The following CCDC171 variants were observed in gnomAD, a reference collection of about 807,000 sequenced individuals.
CCDC171 encodes coiled-coil domain-containing protein 171.
Under a neutral mutation model 168.2 loss-of-function variants are expected in CCDC171, and 177 were observed. The observed-to-expected ratio is 1.05, with a 90% confidence interval of 0.93 to 1.19. The LOEUF is 1.19. Among genes scored for constraint, CCDC171 ranks in the 50% most tolerant of loss-of-function variants. The probability of loss-of-function intolerance (pLI) is 0.00; values close to 1 mark genes in which losing one functional copy is unlikely to be tolerated. For missense variants in CCDC171, 1,991 were observed against 1,539.0 expected, an observed-to-expected ratio of 1.29 and a Z score of -4.91; for synonymous variants, 687 against 540.8, an observed-to-expected ratio of 1.27 and a Z score of -3.75.
chr9:15,621,868 A>G (rs2044536852), intron 6 of CCDC171, among the ~76,000 whole-genome samples: 2 of 152,254 alleles, frequency 1.3e-5, no homozygotes, highest in South Asian at 2.1e-4. Context: ...TAGCAAAGAC[A>G]TGGAGTCAAC....
At chr9:16,107,612 TACAC>T in the CCDC171 span, among the ~76,000 whole-genome samples, 7 of 152,252 alleles carry the variant, frequency 4.6e-5, no homozygotes, top group East Asian at 1.4e-3. Context: ...CATATATACA[TACAC>T]ATATGTAAAC....
intron 25 of CCDC171, among the ~76,000 whole-genome samples, chr9:15,964,753 T>C (rs1458568032): frequency 1.3e-5 from 2 of 152,178 alleles, no homozygotes; most frequent in Non-Finnish European, 2.9e-5. Context: ...TGTTCTCGTG[T>C]AATTTAATTA....
chr9:15,869,457 G>A (rs12683523), intron 23 of CCDC171, among the ~76,000 whole-genome samples: 10,961 of 148,152 alleles, frequency 0.074, 1,048 homozygotes, highest in African/African-American at 0.22. Flanking sequence ...GAATTCATGC[G>A]TTTATAACGG....
chr9:15,794,251 G>A (rs1037841380), intron 21 of CCDC171, among the ~76,000 whole-genome samples: 6 of 152,100 alleles, frequency 3.9e-5, no homozygotes, highest in Admixed American at 6.5e-5. Context: ...GATCACCTGA[G>A]GTCAGGAGTT....
rs930527792 is a variant in CCDC171, at chr9:15,610,467, A to C, written c.676-12800A>C. Among the ~76,000 whole-genome samples, 133 of 140,844 alleles carry C rather than the reference A, an allele frequency of 9.4e-4. 2 individuals carry two copies. The highest frequency in any genetic ancestry group is 2.9e-3 in the African/African-American group (110 of 37,876). 92.4% of individuals were successfully genotyped at this position (140,844 alleles called of 152,430 possible). ...ACTAAAAAAAAAAAAAAAAAAAAAAAAAAAAAAAAAAAAACTGGGCGTGGT... is the reference window on the plus strand; with the variant it reads ...ACTAAAAAAAAAAAAAAAAAAAAAACAAAAAAAAAAAAAACTGGGCGTGGT... On this transcript the variant is annotated intron_variant, in intron 6 of 25. Coordinates refer to ENST00000380701, the MANE Select transcript of CCDC171 (RefSeq NM_173550.4).
At chr9:15,595,336 C>T (rs1310475678) in intron 6 of CCDC171, among the ~76,000 whole-genome samples, 1 of 152,094 alleles carries the variant, frequency 6.6e-6, no homozygotes, top group Non-Finnish European at 1.5e-5. Context: ...GTGTGATGTT[C>T]CCCTTCCTGT....
chr9:15,576,615 G>T (rs1324929341), intron 3 of CCDC171, among the ~76,000 whole-genome samples: 1 of 152,200 alleles, frequency 6.6e-6, no homozygotes, highest in Non-Finnish European at 1.5e-5. Context: ...GAAAGTGCTA[G>T]TATTTTGACC....
chr9:15,843,716 T>C (rs976995769), intron 21 of CCDC171, among the ~76,000 whole-genome samples: 2 of 152,120 alleles, frequency 1.3e-5, no homozygotes, highest in African/African-American at 4.8e-5. Context: ...GGGCTGTAAT[T>C]AGGGTGACCG....
chr9:16,101,639 A>G, the CCDC171 span, among the ~76,000 whole-genome samples: 4 of 152,256 alleles, frequency 2.6e-5, no homozygotes, highest in Non-Finnish European at 4.4e-5. Context: ...TCTAGAGTCC[A>G]GAGAAAAAGG....
chr9:15,717,880 G>A (rs1289263374), intron 11 of CCDC171, among the ~76,000 whole-genome samples: 1 of 152,202 alleles, frequency 6.6e-6, no homozygotes, highest in Non-Finnish European at 1.5e-5. Flanking sequence ...GAGATCTGCT[G>A]GTTTGAAGTG....
chr9:16,018,306 C>A (rs370074106), intron 3 of CCDC171, among the ~76,000 whole-genome samples: 3 of 152,078 alleles, frequency 2.0e-5, no homozygotes, highest in African/African-American at 7.2e-5. Flanking sequence ...ACTGGAGACC[C>A]GGTGAAAGTG....
chr9:15,598,362 T>C lies in CCDC171; in HGVS notation c.675+4190T>C, dbSNP rs955417597. Among the ~76,000 whole-genome samples, 6 of 152,294 alleles carry C rather than the reference T, an allele frequency of 3.9e-5. No individual in the cohort carries two copies. In the South Asian group the frequency reaches 1.2e-3, roughly 32 times the overall value. Reference sequence around the variant, plus strand: ...TGGTATGTTGTGTCTTTGTTCTCGTTGGTTTCAAAGAACATCTTTTTTTCT... The same window carrying C: ...TGGTATGTTGTGTCTTTGTTCTCGTCGGTTTCAAAGAACATCTTTTTTTCT... On this transcript the variant is annotated intron_variant, in intron 6 of 25. Coordinates refer to ENST00000380701, the MANE Select transcript of CCDC171 (RefSeq NM_173550.4).
At chr9:15,591,599 C>A in intron 5 of CCDC171, 43 bp downstream of exon 5, 1 of 1,084,758 alleles carries the variant, frequency 9.2e-7, no homozygotes, top group Non-Finnish European at 1.4e-6. Context: ...ATGTAATATT[C>A]ACCGAGATGT....
At position 15,745,609 on chromosome 9, in the gene CCDC171, A is replaced by C. The variant is rs767713127; in HGVS notation, c.2649A>C (p.Leu883Phe). The C allele has an allele frequency of 6.4e-7, 1 of 1,560,252 alleles. No homozygotes were observed. The highest frequency in any genetic ancestry group is 1.2e-5 in the South Asian group (1 of 81,834). ...CAATAATCAGTTCTATGGCTGAATTACAAGACGTCATTGGTAAAGCAGGTA... is the reference window on the plus strand; with the variant it reads ...CAATAATCAGTTCTATGGCTGAATTCCAAGACGTCATTGGTAAAGCAGGTA... The part of the protein sequence containing the change: ...LAAIISSMAE[L>F]QDVIGKADPN... Residue 883 changes from leucine to phenylalanine, a missense_variant, in exon 18 of 26, where the codon TTA becomes TTC. Transcript: ENST00000380701.
chr9:15,792,397 C>T (rs1376277150), intron 21 of CCDC171, among the ~76,000 whole-genome samples: 1 of 152,178 alleles, frequency 6.6e-6, no homozygotes, highest in African/African-American at 2.4e-5. Flanking sequence ...GGAAAACACT[C>T]TTCAGGATAT....
intron 7 of CCDC171, among the ~76,000 whole-genome samples, chr9:15,637,868 C>G (rs542806505): frequency 6.6e-6 from 1 of 151,574 alleles, no homozygotes; most frequent in Non-Finnish European, 1.5e-5. Flanking sequence ...CCAGTCTATC[C>G]TTGTTGGACA....
chr9:15,990,072 A>G (rs1363851756), intron 3 of CCDC171, among the ~76,000 whole-genome samples: 2 of 152,176 alleles, frequency 1.3e-5, no homozygotes, highest in Non-Finnish European at 2.9e-5. Context: ...CAGGAAATAC[A>G]GAGAACACCA....
intron 18 of CCDC171, among the ~76,000 whole-genome samples, chr9:15,751,431 A>G (rs2055733440): frequency 6.6e-6 from 1 of 152,200 alleles, no homozygotes; most frequent in Non-Finnish European, 1.5e-5. Context: ...ACTACTTTAA[A>G]TTTCATACGG....
chr9:15,658,636 G>C (rs1182466104), intron 8 of CCDC171, among the ~76,000 whole-genome samples: 6 of 152,158 alleles, frequency 3.9e-5, no homozygotes, highest in Non-Finnish European at 5.9e-5. Context: ...ATAACAGGGA[G>C]GCAGGAGGGT....
Sources: gnomAD v4.1 joint callset for allele counts (sites outside exome capture counted in the v4.1 genomes callset) on GRCh38, gnomAD v4.1.1 for gene constraint, MANE v1.5 for transcripts, NCBI Gene and HGNC (gene_info 2026-07-23, HGNC 2026-07-21) for gene names.